Variants in BRD1 observed in about 807,000 individuals in gnomAD.
BRD1 encodes the protein bromodomain containing 1.
In BRD1, 24 loss-of-function variants were observed where a neutral mutation model predicts 107.7. The observed-to-expected ratio is 0.22, with a 90% confidence interval of 0.16 to 0.31. The LOEUF (loss-of-function observed/expected upper bound fraction) is 0.31, where lower values mean the gene tolerates loss of function less well. Among genes scored for constraint, BRD1 ranks in the 10% least tolerant of loss-of-function variants. The pLI is 1.00. For missense variants in BRD1, 1,279 were observed against 1,638.6 expected (o/e 0.78, Z 3.79); for synonymous variants, 744 against 686.1 (o/e 1.08, Z -1.32).
At chr22:49,793,960 G>C in intron 7 of BRD1, 74 bp downstream of exon 7, 1 of 1,539,198 alleles carries the variant, frequency 6.5e-7, no homozygotes, top group South Asian at 1.2e-5. Flanking sequence ...CCCGTGTCTG[G>C]GTCTGTGCCT....
chr22:49,826,591 C>T (rs1176291118), intron 1 of BRD1, among the ~76,000 whole-genome samples: 1 of 152,234 alleles, frequency 6.6e-6, no homozygotes, highest in African/African-American at 2.4e-5. Flanking sequence ...CCACCGCCCG[C>T]CCAGGGAGAA....
At chr22:49,785,301 G>T (rs551403466) in intron 8 of BRD1, among the ~76,000 whole-genome samples, 4 of 152,242 alleles carry the variant, frequency 2.6e-5, no homozygotes, top group Non-Finnish European at 5.9e-5. Flanking sequence ...GAGTGTCGAC[G>T]GGAGGCCGCC....
Position 49,823,538 on chromosome 22 carries a change from G to A in BRD1, c.780C>T (p.His260=), listed in dbSNP as rs769960399. ...YIPEGQWLCR[H]CLQSRARPAD... The stretch of plus-strand genomic sequence containing the variant: ...CGGGCCGGGCCCGCGACTGCAGGCA[G>A]TGGCGGCAGAGCCACTGGCCCTCGG... The change falls in exon 2 of 13, where the codon CAC becomes CAT. Residue 260 remains histidine, a synonymous_variant. Coordinates refer to ENST00000404760, the MANE Select transcript of BRD1 (RefSeq NM_001304808.3). 2.5e-6 allele frequency: 4 copies of A among 1,601,314 alleles called. No individual in the cohort carries two copies. Among genetic ancestry groups the A allele is most frequent in the Non-Finnish European group, 3.4e-6 (4 of 1,173,036 alleles).
intron 10 of BRD1, 116 bp downstream of exon 10, chr22:49,776,918 G>A (rs1366298103): frequency 4.1e-6 from 6 of 1,456,138 alleles, no homozygotes; most frequent in Non-Finnish European, 5.6e-6. Flanking sequence ...TGGCCAGGGT[G>A]GGGCTCCACA....
chr22:49,823,928 C>T lies in BRD1; in HGVS notation c.390G>A (p.Pro130=), dbSNP rs768483107. Residue 130 remains proline, a synonymous_variant, in exon 2 of 13, where the codon CCG becomes CCA. Coordinates refer to ENST00000404760, the MANE Select transcript of BRD1 (RefSeq NM_001304808.3). ...ACACAGGAGGCCTCCTGGGGGCGGA[C>T]GGAGGGCTGTACTCCACGATGCGCA... is the stretch of plus-strand genomic sequence containing the variant. ...PKVRIVEYSP[P]SAPRRPPVYY... 9 of 1,614,088 alleles carry T rather than the reference C, an allele frequency of 5.6e-6. No homozygotes were observed. Among genetic ancestry groups the T allele is most frequent in the African/African-American group, 4.0e-5 (3 of 74,942 alleles).
intron 7 of BRD1, among the ~76,000 whole-genome samples, chr22:49,790,394 T>G (rs1320086462): frequency 6.6e-6 from 1 of 152,210 alleles, no homozygotes; most frequent in Non-Finnish European, 1.5e-5. Flanking sequence ...GTCACTGAAC[T>G]GCACATGGGA....
At chr22:49,787,977 T>C in intron 7 of BRD1, 90 bp from the exon 8 acceptor site, 1 of 1,225,668 alleles carries the variant, frequency 8.2e-7, no homozygotes, top group African/African-American at 1.5e-5. Flanking sequence ...TCCACCAAAA[T>C]ACTAATTCAG....
At chr22:49,814,602 T>G (rs1464885172) in intron 2 of BRD1, among the ~76,000 whole-genome samples, 1 of 152,258 alleles carries the variant, frequency 6.6e-6, no homozygotes, top group East Asian at 1.9e-4. Flanking sequence ...GTAGAGCACC[T>G]GGGTAGTCCC....
At chr22:49,821,581 A>G (rs1056557353) in intron 2 of BRD1, among the ~76,000 whole-genome samples, 1 of 151,024 alleles carries the variant, frequency 6.6e-6, no homozygotes, top group African/African-American at 2.5e-5. Context: ...AAGTAGAGTA[A>G]TATTAACAAA....
Position 49,776,938 on chromosome 22 carries a change from A to G in BRD1, c.3121+96T>C, listed in dbSNP as rs2059111875. ...AGGGTGGGGCTCCACACAGGGCACC[A>G]TGCTCCCTGAGCCGGAGTCCAGTCC... On this transcript the variant is annotated intron_variant, in intron 10 of 12. Coordinates refer to ENST00000404760, the MANE Select transcript of BRD1 (RefSeq NM_001304808.3). 4 of 1,539,712 alleles carry G rather than the reference A, an allele frequency of 2.6e-6. No homozygotes were observed. The African/African-American group carries it at 4.1e-5, about 16-fold the overall frequency.
At chr22:49,797,550 C>A (rs1451467159) in intron 6 of BRD1, among the ~76,000 whole-genome samples, 2 of 152,228 alleles carry the variant, frequency 1.3e-5, no homozygotes, top group Non-Finnish European at 2.9e-5. Context: ...CTTATATATC[C>A]TCAGTAACGT....
rs191115029 is a variant in BRD1, at chr22:49,826,687, C to A, written c.-15+810G>T. 2.3e-3 allele frequency among the ~76,000 whole-genome samples: 347 copies of A among 152,308 alleles called. 2 individuals are homozygous for A. Among genetic ancestry groups the A allele is most frequent in the South Asian group, 4.3e-3 (21 of 4,828 alleles). On this transcript the variant is annotated intron_variant, in intron 1 of 12. Coordinates refer to ENST00000404760, the MANE Select transcript of BRD1 (RefSeq NM_001304808.3). ...GAAGTTGTGTGCAGCACACAGCACT[C>A]GGGACGGCGCTGGGCCGGCCAAACA...
chr22:49,818,079 A>G (rs1013603198), intron 2 of BRD1: 2 of 378,448 alleles, frequency 5.3e-6, no homozygotes, highest in African/African-American at 4.3e-5. Flanking sequence ...TCCCTTCCTA[A>G]GGCTGACCAA....
At position 49,777,165 on chromosome 22, in the gene BRD1, C is replaced by A; in HGVS notation, c.2994-4G>T. 1.2e-6 allele frequency: 2 copies of A among 1,612,596 alleles called. No individual in the cohort carries two copies. The highest frequency in any genetic ancestry group is 1.7e-6 in the Non-Finnish European group (2 of 1,179,896). ...CCCACATTTGGGCGCATTAAAGCTT[C>A]GGGAGGAAGAGCAGAGGGAGTCAGG... On this transcript the variant is annotated splice_polypyrimidine_tract_variant and splice_region_variant and intron_variant, in intron 9 of 12. Coordinates refer to ENST00000404760, the MANE Select transcript of BRD1 (RefSeq NM_001304808.3).
At chr22:49,804,106 CA>C in intron 3 of BRD1, 97 bp downstream of exon 3, 8 of 1,087,908 alleles carry the variant, frequency 7.4e-6, no homozygotes, top group Non-Finnish European at 1.0e-5. Flanking sequence ...AGCCTGAGCC[CA>C]GGGGGCAGCA....
intron 3 of BRD1, among the ~76,000 whole-genome samples, chr22:49,799,889 G>C (rs986097755): frequency 6.6e-6 from 1 of 152,156 alleles, no homozygotes; most frequent in African/African-American, 2.4e-5. Context: ...AGGCCTGGCC[G>C]CATGAGGCCT....
In BRD1 at chr22:49,822,989, G is replaced by A; in HGVS notation, c.1329C>T (p.Val443=). ...TATAAGGAGCGCACACGGTCGGCAGGACCGCGCAGGGCTCAGCCAGAGCTT... is the reference window on the plus strand; with the variant it reads ...TATAAGGAGCGCACACGGTCGGCAGAACCGCGCAGGGCTCAGCCAGAGCTT... ...AKKALAEPCA[V]LPTVCAPYIP... is the part of the protein sequence containing the mutation. The change falls in exon 2 of 13, where the codon GTC becomes GTT. Residue 443 remains valine (V), a synonymous_variant. Transcript: ENST00000404760. The A allele has an allele frequency of 6.2e-7, 1 of 1,614,218 alleles. No individual in the cohort carries two copies. Among genetic ancestry groups the A allele is most frequent in the Admixed American group, 1.7e-5 (1 of 60,026 alleles).
At chr22:49,786,039 T>G (rs1479988156) in intron 8 of BRD1, among the ~76,000 whole-genome samples, 1 of 152,184 alleles carries the variant, frequency 6.6e-6, no homozygotes, top group Non-Finnish European at 1.5e-5. Context: ...ACTCACTTGC[T>G]GCCACTCTGG....
At chr22:49,818,629 T>C (rs1017162780) in intron 2 of BRD1, among the ~76,000 whole-genome samples, 2 of 152,176 alleles carry the variant, frequency 1.3e-5, no homozygotes, top group Admixed American at 1.3e-4. Context: ...GGCTCACGCC[T>C]CTAATCCTAG....
Sources: gnomAD v4.1 joint callset for allele counts (sites outside exome capture counted in the v4.1 genomes callset) on GRCh38, gnomAD v4.1.1 for gene constraint, MANE v1.5 for transcripts, NCBI Gene and HGNC (gene_info 2026-07-23, HGNC 2026-07-21) for gene names.